The following ITSN1 variants were observed in gnomAD, a reference collection of about 807,000 sequenced individuals.
ITSN1 encodes intersectin 1.
ITSN1 carries 58 observed loss-of-function variants against 239.8 expected under a neutral mutation model. The observed-to-expected ratio is 0.24, with a 90% CI of 0.20 to 0.30. The LOEUF is 0.30. ITSN1 is among the 10% of genes least tolerant of loss of function. ITSN1 has a pLI of 1.00. For missense variants in ITSN1, 1,558 were observed against 2,103.3 expected (o/e 0.74, Z 5.07); for synonymous variants, 780 against 770.8 (o/e 1.01, Z -0.20).
intron 16 of ITSN1, among the ~76,000 whole-genome samples, chr21:33,784,832 T>C (rs2147927334): frequency 6.6e-6 from 1 of 152,368 alleles, no homozygotes; most frequent in Admixed American, 6.5e-5. Flanking sequence ...CATGTTTTCT[T>C]GGATGAAGAG....
At chr21:33,883,481 ACACTCACGGTTTACCGGAG>A in intron 35 of ITSN1, 50 bp from the exon 36 acceptor site, 1 of 1,589,338 alleles carries the variant, frequency 6.3e-7, no homozygotes, top group South Asian at 1.1e-5. Context: ...GTGTGCTCAC[ACACTCACGGTTTACCGGAG>A]CACACAGACC....
At chr21:33,702,407 G>A (rs1277093857) in intron 1 of ITSN1, among the ~76,000 whole-genome samples, 4 of 152,024 alleles carry the variant, frequency 2.6e-5, no homozygotes, top group Admixed American at 6.6e-5. Flanking sequence ...GTGAGCCACC[G>A]CACCTGGCCA....
chr21:33,794,588 T>C, intron 17 of ITSN1, 120 bp downstream of exon 17: 1 of 1,332,866 alleles, frequency 7.5e-7, no homozygotes, highest in Non-Finnish European at 1.0e-6. Flanking sequence ...AGTGTGCATG[T>C]GAAGTGTGAG....
Position 33,662,755 on chromosome 21 carries a change from C to G in ITSN1, c.-33+20042C>G, listed in dbSNP as rs191587046. 2.7e-3 allele frequency among the ~76,000 whole-genome samples: 412 copies of G among 152,270 alleles called. 2 individuals carry two copies. The highest frequency in any genetic ancestry group is 9.5e-3 in the African/African-American group (394 of 41,548). ...TGGTATTATCTGACCCACACTGCCCCTCATGTCACACATGTTTCTGCACGT... is the reference window on the plus strand; with the variant it reads ...TGGTATTATCTGACCCACACTGCCCGTCATGTCACACATGTTTCTGCACGT... On this transcript the variant is annotated intron_variant, in intron 1 of 39. Coordinates refer to ENST00000381318, the MANE Select transcript of ITSN1 (RefSeq NM_003024.3).
intron 1 of ITSN1, among the ~76,000 whole-genome samples, chr21:33,690,835 AT>A (rs2091506303): frequency 2.8e-5 from 2 of 71,826 alleles, no homozygotes; most frequent in Non-Finnish European, 5.7e-5. Context: ...ATATATATAT[AT>A]ATGTAAAAGT....
chr21:33,772,255 C>T lies in ITSN1; in HGVS notation c.1237C>T (p.Leu413=), dbSNP rs1365673112. The T allele has an allele frequency of 6.2e-7, 1 of 1,600,346 alleles. No homozygotes were observed. The highest frequency in any genetic ancestry group is 8.5e-7 in the Non-Finnish European group (1 of 1,173,068). The change falls in exon 12 of 40, where the codon CTG becomes TTG. Residue 413 remains leucine (L), a synonymous_variant. Transcript: ENST00000381318. The stretch of plus-strand genomic sequence containing the variant: ...AAGACAACTGGAACTGGAGAAGCAA[C>T]TGGAAAAGCAGCGGGAGCTAGAACG... The part of the protein sequence containing the change: ...RKRQLELEKQ[L]EKQRELERQR...
intron 34 of ITSN1, among the ~76,000 whole-genome samples, chr21:33,877,398 G>T (rs994285780): frequency 6.6e-6 from 1 of 152,110 alleles, no homozygotes; most frequent in African/African-American, 2.4e-5. Context: ...CCTTCTGGAA[G>T]GACTGTTATT....
intron 3 of ITSN1, chr21:33,721,993 C>T (rs1279352467): frequency 6.6e-6 from 1 of 150,832 alleles, no homozygotes; most frequent in East Asian, 2.0e-4. Flanking sequence ...CTGCAACCTC[C>T]CCTTCCAGTT....
At chr21:33,700,571 T>G (rs1320918947) in intron 1 of ITSN1, among the ~76,000 whole-genome samples, 1 of 152,198 alleles carries the variant, frequency 6.6e-6, no homozygotes, top group Non-Finnish European at 1.5e-5. Flanking sequence ...CTAATCCGTT[T>G]ATAAATGTTC....
chr21:33,836,758 TC>T lies in ITSN1; in HGVS notation c.3661+127del, dbSNP rs1308922656. On this transcript the variant is annotated intron_variant, in intron 29 of 39. Coordinates refer to ENST00000381318, the MANE Select transcript of ITSN1 (RefSeq NM_003024.3). The stretch of plus-strand genomic sequence containing the variant: ...AGCTAGACCATTGCTGCATTCGCAG[TC>T]GTCTCTTTGAAGACCTTCTGTAATG... The T allele has an allele frequency of 3.6e-6, 3 of 837,662 alleles. No homozygotes were observed. In the African/African-American group the frequency reaches 5.1e-5, roughly 14 times the overall value. The allele number at this position is 837,662 out of a possible 1,614,324, so 51.9% of individuals were successfully genotyped here.
At chr21:33,840,095 T>G (rs2074772126) in intron 29 of ITSN1, among the ~76,000 whole-genome samples, 1 of 152,220 alleles carries the variant, frequency 6.6e-6, no homozygotes, top group Non-Finnish European at 1.5e-5. Flanking sequence ...ATGTCGTGTA[T>G]CTGCAGCATC....
intron 1 of ITSN1, among the ~76,000 whole-genome samples, chr21:33,646,283 C>G (rs772387410): frequency 1.2e-4 from 18 of 152,136 alleles, no homozygotes; most frequent in Non-Finnish European, 2.1e-4. Context: ...AGATTCAGAA[C>G]AAAGCATTTG....
intron 20 of ITSN1, among the ~76,000 whole-genome samples, chr21:33,808,858 G>A (rs988310753): frequency 6.6e-6 from 1 of 152,124 alleles, no homozygotes; most frequent in Non-Finnish European, 1.5e-5. Context: ...TTTGGCTCAA[G>A]CTCCTAACCC....
intron 1 of ITSN1, among the ~76,000 whole-genome samples, chr21:33,707,749 G>A (rs2092296555): frequency 6.6e-6 from 1 of 152,172 alleles, no homozygotes; most frequent in African/African-American, 2.4e-5. Context: ...TTATTGCCAA[G>A]TAGCATTTCA....
chr21:33,794,297 T>C (rs760535857), intron 16 of ITSN1, 44 bp from the exon 17 acceptor site: 3 of 1,370,388 alleles, frequency 2.2e-6, no homozygotes, highest in African/African-American at 2.9e-5. Flanking sequence ...TTGATGTACC[T>C]GTCACTCATG....
At chr21:33,668,180 A>G (rs1171408479) in intron 1 of ITSN1, among the ~76,000 whole-genome samples, 1 of 152,172 alleles carries the variant, frequency 6.6e-6, no homozygotes, top group African/African-American at 2.4e-5. Context: ...CTGCCTTTGA[A>G]CTTCTCTGAG....
chr21:33,744,180 A>G (rs2067041344), intron 5 of ITSN1, among the ~76,000 whole-genome samples: 1 of 152,248 alleles, frequency 6.6e-6, no homozygotes, highest in South Asian at 2.1e-4. Context: ...ATGCAAAAAA[A>G]TAATTTAATG....
At chr21:33,664,883 C>T (rs1000293681) in intron 1 of ITSN1, among the ~76,000 whole-genome samples, 1 of 150,700 alleles carries the variant, frequency 6.6e-6, no homozygotes. Flanking sequence ...CATCTGGAAG[C>T]TTCGCCATTT....
At chr21:33,826,789 G>T in intron 25 of ITSN1, 29 bp from the exon 26 acceptor site, 1 of 1,608,826 alleles carries the variant, frequency 6.2e-7, no homozygotes. Flanking sequence ...ACTTCAGCAT[G>T]CAAATGAGAC....
Sources: gnomAD v4.1 joint callset for allele counts (sites outside exome capture counted in the v4.1 genomes callset) on GRCh38, gnomAD v4.1.1 for gene constraint, MANE v1.5 for transcripts, NCBI Gene and HGNC (gene_info 2026-07-23, HGNC 2026-07-21) for gene names.